APP: variants seen among roughly 807,000 people sequenced by gnomAD.
APP encodes the protein amyloid-beta precursor protein.
In APP, 31 loss-of-function variants were observed where a neutral mutation model predicts 101.4. The ratio of observed to expected loss-of-function variants is 0.31; its 90% CI spans 0.23 to 0.41. The LOEUF is 0.41. Ranked by LOEUF, APP falls within the 10% of genes least tolerant of loss-of-function variation. The pLI is 1.00. For missense variants in APP, 839 were observed against 1,003.7 expected (o/e 0.84, Z 2.22); for synonymous variants, 366 against 364.4 (o/e 1.00, Z -0.05).
At chr21:26,084,278 C>A (rs544230287) in intron 3 of APP, among the ~76,000 whole-genome samples, 37 of 138,816 alleles carry the variant, frequency 2.7e-4, no homozygotes, top group African/African-American at 9.6e-4. Context: ...TCGCTCTGTC[C>A]CCCAGGCTGG....
intron 15 of APP, among the ~76,000 whole-genome samples, chr21:25,901,073 A>C (rs1218385392): frequency 1.3e-5 from 2 of 151,944 alleles, no homozygotes; most frequent in South Asian, 2.1e-4. Context: ...TGAGGCGGGC[A>C]AACAGTTTGA....
In APP at chr21:26,051,136, T is replaced by C. The variant is rs1205098782; in HGVS notation, c.526A>G (p.Ile176Val). Reference sequence around the variant, plus strand: ...AACTCTACCCCTCGGAACTTGTCAATTCCGCAGGGCAGCAACATGCCGTAG... The same window carrying C: ...AACTCTACCCCTCGGAACTTGTCAACTCCGCAGGGCAGCAACATGCCGTAG... Reference protein sequence around the residue: ...HDYGMLLPCGIDKFRGVEFVC... With the variant: ...HDYGMLLPCGVDKFRGVEFVC... Residue 176 changes from isoleucine to valine, a missense_variant, in exon 5 of 18, where the codon ATT becomes GTT. Physicochemically the swap from Ile to Val is conservative, Grantham distance 29. Coordinates refer to ENST00000346798, the MANE Select transcript of APP (RefSeq NM_000484.4). 1.9e-6 allele frequency: 3 copies of C among 1,614,056 alleles called. No individual in the cohort carries two copies. The highest frequency in any genetic ancestry group is 1.7e-6 in the Non-Finnish European group (2 of 1,180,036).
chr21:25,938,448 A>G (rs1401281098), intron 13 of APP, among the ~76,000 whole-genome samples: 1 of 152,016 alleles, frequency 6.6e-6, no homozygotes, highest in African/African-American at 2.4e-5. Context: ...TGAAAATGAC[A>G]ATGTCTGTCA....
intron 3 of APP, among the ~76,000 whole-genome samples, chr21:26,083,437 G>A (rs1161767073): frequency 6.6e-6 from 1 of 152,054 alleles, no homozygotes; most frequent in Non-Finnish European, 1.5e-5. Context: ...AACAGGAAAC[G>A]ATTAAATAAC....
intron 7 of APP, among the ~76,000 whole-genome samples, 157 bp from the exon 8 acceptor site, chr21:25,997,573 A>G (rs568081529): frequency 3.9e-5 from 6 of 152,300 alleles, no homozygotes; most frequent in South Asian, 2.1e-4. Context: ...ACATATAAAC[A>G]TAAGATCTAT....
At chr21:26,046,435 A>G (rs902762630) in intron 5 of APP, among the ~76,000 whole-genome samples, 1 of 146,332 alleles carries the variant, frequency 6.8e-6, no homozygotes, top group East Asian at 2.0e-4. Flanking sequence ...AAAGAAAAAG[A>G]AAAAAAAAAA....
chr21:26,015,501 T>C (rs1183900161), intron 6 of APP, among the ~76,000 whole-genome samples: 4 of 152,220 alleles, frequency 2.6e-5, no homozygotes, highest in Non-Finnish European at 2.9e-5. Flanking sequence ...TCTGGACAGC[T>C]TGAGTTTGTA....
intron 13 of APP, among the ~76,000 whole-genome samples, chr21:25,938,390 A>G (rs573308503): frequency 1.3e-5 from 2 of 152,168 alleles, no homozygotes; most frequent in South Asian, 4.1e-4. Context: ...ATGTATTTAG[A>G]GTTGTCTCTA....
chr21:25,993,158 A>C (rs369506819), intron 8 of APP, among the ~76,000 whole-genome samples: 3 of 152,148 alleles, frequency 2.0e-5, no homozygotes, highest in African/African-American at 2.4e-5. Context: ...GTTAAGTTCC[A>C]ATTCTTTTCA....
chr21:26,022,756 C>G (rs2044399100), intron 5 of APP, among the ~76,000 whole-genome samples: 1 of 152,196 alleles, frequency 6.6e-6, no homozygotes, highest in Non-Finnish European at 1.5e-5. Context: ...AGCCGCAACG[C>G]ATTGCACGGT....
chr21:25,985,351 A>G (rs2042597646), intron 8 of APP, among the ~76,000 whole-genome samples: 2 of 152,156 alleles, frequency 1.3e-5, no homozygotes, highest in South Asian at 2.1e-4. Context: ...TGAGATTAGC[A>G]TCGGAATTGG....
intron 11 of APP, among the ~76,000 whole-genome samples, chr21:25,970,832 G>T (rs1016056023): frequency 1.3e-5 from 2 of 152,022 alleles, no homozygotes; most frequent in African/African-American, 4.8e-5. Context: ...AGAATGCCAC[G>T]AGCTCTTTAA....
intron 1 of APP, chr21:26,158,129 A>G (rs1266809725): frequency 6.6e-6 from 1 of 152,232 alleles, no homozygotes; most frequent in East Asian, 1.9e-4. Context: ...AGTCTGAACC[A>G]TCTAGAGTTC....
intron 13 of APP, among the ~76,000 whole-genome samples, chr21:25,914,530 G>A (rs58877355): frequency 6.8e-6 from 1 of 146,254 alleles, no homozygotes; most frequent in Non-Finnish European, 1.5e-5. Flanking sequence ...TGCCTCTGGA[G>A]GATGCAGCCA....
intron 1 of APP, among the ~76,000 whole-genome samples, chr21:26,122,969 T>C (rs1010833769): frequency 3.3e-5 from 5 of 152,086 alleles, no homozygotes; most frequent in South Asian, 2.1e-4. Context: ...GATGTAAAGA[T>C]AGTAAGAGGC....
intron 16 of APP, among the ~76,000 whole-genome samples, chr21:25,896,770 A>G (rs1367501937): frequency 6.6e-6 from 1 of 152,200 alleles, no homozygotes; most frequent in Non-Finnish European, 1.5e-5. Flanking sequence ...CCTTTTGATG[A>G]ATAACACTAT....
intron 13 of APP, 86 bp from the exon 14 acceptor site, chr21:25,912,048 C>G: frequency 1.9e-6 from 2 of 1,032,920 alleles, no homozygotes; most frequent in Non-Finnish European, 3.0e-6. Context: ...TTCTGCCAGG[C>G]AAGACTTCAA....
At chr21:25,923,469 G>A (rs376792299) in intron 13 of APP, among the ~76,000 whole-genome samples, 6 of 110,360 alleles carry the variant, frequency 5.4e-5, no homozygotes, top group Admixed American at 3.8e-4. Flanking sequence ...GAAAATTTTC[G>A]CAACCTACTC....
chr21:25,967,686 T>C (rs1475582512), intron 11 of APP, among the ~76,000 whole-genome samples: 3 of 152,182 alleles, frequency 2.0e-5, no homozygotes, highest in African/African-American at 7.2e-5. Context: ...TCATCTTCTG[T>C]CTATGAAGGA....
Sources: gnomAD v4.1 joint callset for allele counts (sites outside exome capture counted in the v4.1 genomes callset) on GRCh38, gnomAD v4.1.1 for gene constraint, MANE v1.5 for transcripts, NCBI Gene and HGNC (gene_info 2026-07-23, HGNC 2026-07-21) for gene names.